The following CDYL variants were observed in gnomAD, a reference collection of about 807,000 sequenced individuals.
CDYL encodes the protein chromodomain Y-like protein.
Under a neutral mutation model 47.3 loss-of-function variants are expected in CDYL, and 8 were observed. The ratio of observed to expected loss-of-function variants is 0.17; its 90% confidence interval spans 0.10 to 0.31. The LOEUF (loss-of-function observed/expected upper bound fraction) is 0.31, where lower values mean the gene tolerates loss of function less well. CDYL is among the 10% of genes least tolerant of loss of function. The pLI is 1.00. For synonymous variants in CDYL, 266 were observed against 265.0 expected (o/e 1.00, Z -0.04); for missense variants, 471 against 701.4 (o/e 0.67, Z 3.71).
intron 1 of CDYL, among the ~76,000 whole-genome samples, chr6:4,781,922 C>T (rs1758628176): frequency 6.6e-6 from 1 of 152,164 alleles, no homozygotes; most frequent in Admixed American, 6.5e-5. Context: ...TGAACCCAAA[C>T]CACGAGATTA....
rs1431522797 is a variant in CDYL, at chr6:4,776,765, C to A, written c.-19C>A. ...CCGCCCCGACCCTGCCCCTCCCGCC[C>A]GCAACTCCGCCGCCCACCATGGCTT... On this transcript the variant is annotated 5_prime_UTR_variant, in exon 1 of 7. Coordinates refer to ENST00000397588, the MANE Select transcript of CDYL (RefSeq NM_004824.4). 5 of 1,242,192 alleles carry A rather than the reference C, an allele frequency of 4.0e-6. No individual in the cohort carries two copies. Among genetic ancestry groups the A allele is most frequent in the Non-Finnish European group, 5.2e-6 (5 of 969,332 alleles). 76.9% of individuals were successfully genotyped at this position (1,242,192 alleles called of 1,614,324 possible).
chr6:4,933,554 G>C (rs1477382199), intron 2 of CDYL, among the ~76,000 whole-genome samples: 1 of 152,188 alleles, frequency 6.6e-6, no homozygotes, highest in Admixed American at 6.5e-5. Context: ...GCCGTGATGG[G>C]ACTGAGACTG....
At chr6:4,941,333 C>G (rs572061617) in intron 4 of CDYL, among the ~76,000 whole-genome samples, 1 of 152,336 alleles carries the variant, frequency 6.6e-6, no homozygotes, top group Admixed American at 6.5e-5. Flanking sequence ...TTGCAGCTCC[C>G]TTGGTTAAGC....
At chr6:4,787,766 T>TG (rs1758795296) in intron 1 of CDYL, among the ~76,000 whole-genome samples, 2 of 6,786 alleles carry the variant, frequency 2.9e-4, no homozygotes, top group East Asian at 0.015. Flanking sequence ...AATTCAAGTC[T>TG]TTTTTTTTTT....
At chr6:4,737,531 C>A (rs1757724567) in intron 3 of CDYL, among the ~76,000 whole-genome samples, 1 of 151,710 alleles carries the variant, frequency 6.6e-6, no homozygotes, top group South Asian at 2.1e-4. Context: ...CCTGTAATCC[C>A]AGCTACTCAG....
intron 1 of CDYL, among the ~76,000 whole-genome samples, chr6:4,853,988 G>A (rs1311493019): frequency 1.3e-5 from 2 of 152,248 alleles, no homozygotes; most frequent in African/African-American, 4.8e-5. Context: ...TGAAGGTGTT[G>A]TCCTGATTCT....
At chr6:4,900,781 A>ATG (rs1561697423) in intron 2 of CDYL, among the ~76,000 whole-genome samples, 15 of 32,772 alleles carry the variant, frequency 4.6e-4, no homozygotes, top group African/African-American at 2.2e-3. Context: ...ATACGTGTGT[A>ATG]TATATATATA....
rs888110089 is a variant in CDYL, at chr6:4,842,797, C to T, written c.25-48916C>T. On this transcript the variant is annotated intron_variant, in intron 1 of 6. Transcript: ENST00000397588. ...TATTCTATTCATTGTGCTATGAATACACAACATGGGAACGAATATGAAAAC... is the reference window on the plus strand; with the variant it reads ...TATTCTATTCATTGTGCTATGAATATACAACATGGGAACGAATATGAAAAC... 3.3e-5 allele frequency among the ~76,000 whole-genome samples: 5 copies of T among 152,120 alleles called. No homozygotes were observed. The South Asian group carries it at 1.0e-3, about 32-fold the overall frequency.
chr6:4,784,789 G>A (rs770245536), intron 1 of CDYL, among the ~76,000 whole-genome samples: 3 of 152,108 alleles, frequency 2.0e-5, no homozygotes, highest in Non-Finnish European at 2.9e-5. Flanking sequence ...TAATTCCCAC[G>A]TACCATGGGA....
intron 1 of CDYL, among the ~76,000 whole-genome samples, chr6:4,848,801 G>A (rs1760739565): frequency 6.6e-6 from 1 of 152,222 alleles, no homozygotes; most frequent in African/African-American, 2.4e-5. Context: ...TTGGTTGCCT[G>A]GAGGCTTCTC....
intron 2 of CDYL, among the ~76,000 whole-genome samples, chr6:4,721,393 T>C (rs1461288343): frequency 6.6e-6 from 1 of 152,116 alleles, no homozygotes; most frequent in Non-Finnish European, 1.5e-5. Flanking sequence ...TTTTCTATTT[T>C]TGTTTTTAAG....
chr6:4,948,221 T>C (rs1475064845), intron 5 of CDYL, among the ~76,000 whole-genome samples: 1 of 152,142 alleles, frequency 6.6e-6, no homozygotes, highest in Non-Finnish European at 1.5e-5. Flanking sequence ...CACTGTATGA[T>C]CTATGTAGAT....
chr6:4,894,370 C>CTA (rs1351597534), intron 2 of CDYL, among the ~76,000 whole-genome samples: 2 of 152,126 alleles, frequency 1.3e-5, no homozygotes, highest in East Asian at 1.9e-4. Flanking sequence ...GACTGATGAG[C>CTA]TATAGTCCGT....
intron 1 of CDYL, among the ~76,000 whole-genome samples, chr6:4,850,422 T>C (rs1760789380): frequency 6.6e-6 from 1 of 152,252 alleles, no homozygotes; most frequent in Admixed American, 6.5e-5. Context: ...CGAAAAAGTT[T>C]ATAATTTTAA....
chr6:4,802,905 G>T (rs1469068500), intron 1 of CDYL, among the ~76,000 whole-genome samples: 2 of 152,106 alleles, frequency 1.3e-5, no homozygotes, highest in Non-Finnish European at 2.9e-5. Flanking sequence ...TTGACAGTGT[G>T]GCCTGGTACC....
intron 2 of CDYL, among the ~76,000 whole-genome samples, chr6:4,732,389 T>C (rs960953362): frequency 6.7e-6 from 1 of 150,066 alleles, no homozygotes; most frequent in African/African-American, 2.5e-5. Context: ...CACTGCGGCT[T>C]ATGCCTGTAA....
chr6:4,717,728 A>G (rs200920260), intron 2 of CDYL, among the ~76,000 whole-genome samples: 11,190 of 149,204 alleles, frequency 0.075, 666 homozygotes, highest in East Asian at 0.15. Context: ...AAAAAAAAAA[A>G]AAAAAAAAAA....
chr6:4,898,903 G>A (rs1762362408), intron 2 of CDYL, among the ~76,000 whole-genome samples: 1 of 152,238 alleles, frequency 6.6e-6, no homozygotes, highest in Non-Finnish European at 1.5e-5. Context: ...ACTTGGAAGA[G>A]CCAAGGACTT....
At chr6:4,752,207 C>T (rs906433613) in intron 3 of CDYL, among the ~76,000 whole-genome samples, 2 of 152,104 alleles carry the variant, frequency 1.3e-5, no homozygotes, top group Admixed American at 6.6e-5. Flanking sequence ...TGCCCCATTA[C>T]CATCCTCAGG....
Sources: gnomAD v4.1 joint callset for allele counts (sites outside exome capture counted in the v4.1 genomes callset) on GRCh38, gnomAD v4.1.1 for gene constraint, MANE v1.5 for transcripts, NCBI Gene and HGNC (gene_info 2026-07-23, HGNC 2026-07-21) for gene names.